Variants in ELAVL2 observed in about 807,000 individuals in gnomAD.
ELAVL2 encodes the protein ELAV-like protein 2.
Under a neutral mutation model 34.6 loss-of-function variants are expected in ELAVL2, and 4 were observed. The ratio of observed to expected loss-of-function variants is 0.12; its 90% confidence interval spans 0.06 to 0.26. The LOEUF is 0.26. ELAVL2 is among the 10% of genes least tolerant of loss of function. ELAVL2 has a pLI of 1.00. For missense variants in ELAVL2, 432 were observed against 442.8 expected, an observed-to-expected ratio of 0.98 and a Z score of 0.22; for synonymous variants, 193 against 154.8, an observed-to-expected ratio of 1.25 and a Z score of -1.83.
intron 3 of ELAVL2, among the ~76,000 whole-genome samples, chr9:23,724,970 A>G (rs1368264085): frequency 6.6e-6 from 1 of 152,068 alleles, no homozygotes; most frequent in Non-Finnish European, 1.5e-5. Context: ...TTACTTCTAA[A>G]TTTTCCAAAT....
At chr9:23,777,632 CG>C (rs111431583) in intron 1 of ELAVL2, among the ~76,000 whole-genome samples, 5 of 151,980 alleles carry the variant, frequency 3.3e-5, no homozygotes, top group African/African-American at 9.7e-5. Flanking sequence ...AAGTGGGAAA[CG>C]GGGGGTATCA....
rs180840040 is a variant in ELAVL2, at chr9:23,788,472, C to T, written c.-15-26223G>A. 5.3e-5 allele frequency among the ~76,000 whole-genome samples: 8 copies of T among 152,222 alleles called. No homozygotes were observed. The East Asian group carries it at 1.5e-3, about 29-fold the overall frequency. On this transcript the variant is annotated intron_variant, in intron 1 of 6. Coordinates refer to ENST00000397312, the MANE Select transcript of ELAVL2 (RefSeq NM_004432.5). ...AGAACTGACCCCTACCATGTTTTTT[C>T]CTACACATACCTATGATAAAATTTA... is the stretch of plus-strand genomic sequence containing the variant.
At chr9:23,780,029 A>C (rs1003970904) in intron 1 of ELAVL2, among the ~76,000 whole-genome samples, 22 of 119,288 alleles carry the variant, frequency 1.8e-4, no homozygotes, top group South Asian at 2.8e-4. Context: ...AAAAAAAAAA[A>C]AAAAACTTCA....
intron 1 of ELAVL2, among the ~76,000 whole-genome samples, chr9:23,822,737 A>G (rs1408314363): frequency 6.6e-6 from 1 of 152,242 alleles, no homozygotes. Flanking sequence ...CTAAAATACT[A>G]CATTTAAAAA....
chr9:23,733,774 A>C (rs2047174128), intron 2 of ELAVL2, among the ~76,000 whole-genome samples: 1 of 152,162 alleles, frequency 6.6e-6, no homozygotes, highest in African/African-American at 2.4e-5. Flanking sequence ...AACATTTGCT[A>C]AATGAAAGAA....
chr9:23,809,070 C>A (rs1002572631), intron 1 of ELAVL2, among the ~76,000 whole-genome samples: 12 of 152,160 alleles, frequency 7.9e-5, no homozygotes, highest in African/African-American at 2.9e-4. Context: ...TGAGCTTTCA[C>A]CCTCAACAAT....
intron 5 of ELAVL2, among the ~76,000 whole-genome samples, chr9:23,698,824 C>T (rs1036085062): frequency 6.6e-6 from 1 of 152,122 alleles, no homozygotes; most frequent in Non-Finnish European, 1.5e-5. Flanking sequence ...CATCAAACAT[C>T]AGGTTAAACC....
chr9:23,811,495 G>C (rs1251918587), intron 1 of ELAVL2, among the ~76,000 whole-genome samples: 2 of 152,202 alleles, frequency 1.3e-5, no homozygotes, highest in African/African-American at 2.4e-5. Context: ...ATGACGCAAG[G>C]AGAAGGCATA....
At chr9:23,700,671 C>T (rs1298949036) in intron 5 of ELAVL2, among the ~76,000 whole-genome samples, 13 of 152,078 alleles carry the variant, frequency 8.5e-5, no homozygotes, top group Admixed American at 7.9e-4. Context: ...TGACCATAAC[C>T]CATAAAGTTA....
At chr9:23,716,230 G>A (rs1273173757) in intron 3 of ELAVL2, among the ~76,000 whole-genome samples, 1 of 151,278 alleles carries the variant, frequency 6.6e-6, no homozygotes, top group African/African-American at 2.4e-5. Context: ...TGAGTTAATG[G>A]GTGCAGCACA....
chr9:23,786,939 T>C (rs761395164), intron 1 of ELAVL2, among the ~76,000 whole-genome samples: 1 of 152,198 alleles, frequency 6.6e-6, no homozygotes, highest in South Asian at 2.1e-4. Flanking sequence ...AAGTTTTTCA[T>C]GTCCAATATA....
chr9:23,740,943 G>A (rs142311271), intron 2 of ELAVL2, among the ~76,000 whole-genome samples: 60 of 152,146 alleles, frequency 3.9e-4, no homozygotes, highest in South Asian at 2.5e-3. Context: ...ATTTCATAGC[G>A]GTGGAAAAAA....
At chr9:23,744,195 C>T (rs1482871295) in intron 2 of ELAVL2, among the ~76,000 whole-genome samples, 2 of 152,184 alleles carry the variant, frequency 1.3e-5, no homozygotes, top group African/African-American at 4.8e-5. Context: ...ACCTATTATT[C>T]TACCGTCTCC....
rs144910952 is a variant in ELAVL2 at position 23,798,174 on chromosome 9, C to T, written c.-16+27632G>A. Among the ~76,000 whole-genome samples the T allele has an allele frequency of 2.5e-3, 375 of 152,292 alleles. 3 individuals carry two copies. Among genetic ancestry groups the T allele is most frequent in the African/African-American group, 8.7e-3 (360 of 41,574 alleles). ...AACTGTCTCTTACAAGATTCTAACT[C>T]AAATGTGCCTAAATTCTGCAAGGTT... On this transcript the variant is annotated intron_variant, in intron 1 of 6. Transcript: ENST00000397312.
chr9:23,786,796 A>T (rs923777789), intron 1 of ELAVL2, among the ~76,000 whole-genome samples: 3 of 151,132 alleles, frequency 2.0e-5, no homozygotes, highest in Non-Finnish European at 4.4e-5. Context: ...AAAAAAAAAA[A>T]AAAAAAAGAG....
chr9:23,798,358 A>C (rs2061204568), intron 1 of ELAVL2, among the ~76,000 whole-genome samples: 1 of 152,196 alleles, frequency 6.6e-6, no homozygotes, highest in Admixed American at 6.5e-5. Flanking sequence ...CGTGAGTTCT[A>C]ATTCCAGCTC....
intron 3 of ELAVL2, among the ~76,000 whole-genome samples, chr9:23,723,286 T>C (rs71506780): frequency 0.029 from 4,341 of 152,058 alleles, 83 homozygotes; most frequent in Middle Eastern, 0.044. Context: ...ATGGATGAAA[T>C]TGGAAATCAT....
intron 2 of ELAVL2, 94 bp downstream of exon 2, chr9:23,761,912 A>G: frequency 2.9e-6 from 4 of 1,389,162 alleles, no homozygotes; most frequent in Non-Finnish European, 3.8e-6. Context: ...GTAAAATTGC[A>G]GCAGTGAATT....
chr9:23,814,271 A>C (rs143638703), intron 1 of ELAVL2, among the ~76,000 whole-genome samples: 1 of 152,176 alleles, frequency 6.6e-6, no homozygotes, highest in Non-Finnish European at 1.5e-5. Flanking sequence ...AGTAAGTAAA[A>C]TGTAACAAAG....
Sources: allele counts gnomAD v4.1 joint callset (sites outside exome capture counted in the v4.1 genomes callset), GRCh38; gene constraint gnomAD v4.1.1; transcripts MANE v1.5; gene names NCBI Gene and HGNC (gene_info 2026-07-23, HGNC 2026-07-21).